The following RSPO2 variants were observed in gnomAD, a reference collection of about 807,000 sequenced individuals.
RSPO2 encodes the protein R-spondin-2.
RSPO2 carries 14 observed loss-of-function variants against 30.9 expected under a neutral mutation model. The ratio of observed to expected loss-of-function variants is 0.45; its 90% CI spans 0.30 to 0.71. RSPO2 has a LOEUF of 0.71. Among genes scored for constraint, RSPO2 ranks in the 30% least tolerant of loss-of-function variants. The pLI is 0.08. For synonymous variants in RSPO2, 107 were observed against 96.4 expected, an observed-to-expected ratio of 1.11 and a Z score of -0.64; for missense variants, 264 against 301.9, an observed-to-expected ratio of 0.87 and a Z score of 0.93.
At chr8:108,013,506 T>C (rs549571963) in intron 2 of RSPO2, among the ~76,000 whole-genome samples, 8 of 152,308 alleles carry the variant, frequency 5.3e-5, no homozygotes, top group Non-Finnish European at 7.3e-5. Flanking sequence ...AACAGATATA[T>C]AGGCCAAAGG....
intron 5 of RSPO2, 22 bp downstream of exon 5, chr8:107,958,058 T>C (rs1813483891): frequency 1.9e-6 from 3 of 1,573,852 alleles, no homozygotes; most frequent in Non-Finnish European, 1.7e-6. Context: ...CAGCACACAG[T>C]AGTGATTATA....
chr8:108,082,845 T>C, intron 1 of RSPO2, 38 bp from the exon 2 acceptor site: 1 of 533,708 alleles, frequency 1.9e-6, no homozygotes, highest in Non-Finnish European at 3.3e-6. Context: ...GTGTGGGGGA[T>C]GGAGAGAGCC....
At chr8:108,063,923 T>C (rs1812566568) in intron 2 of RSPO2, among the ~76,000 whole-genome samples, 1 of 152,124 alleles carries the variant, frequency 6.6e-6, no homozygotes, top group African/African-American at 2.4e-5. Context: ...AAACAAGCAA[T>C]GGGGAAAGGA....
At chr8:107,994,072 CAG>C (rs1563554769) in intron 2 of RSPO2, among the ~76,000 whole-genome samples, 2 of 152,008 alleles carry the variant, frequency 1.3e-5, no homozygotes, top group African/African-American at 4.8e-5. Flanking sequence ...GAAAATAAAA[CAG>C]AAAACCCCCA....
chr8:108,039,169 T>G (rs1317866297), intron 2 of RSPO2, among the ~76,000 whole-genome samples: 1 of 152,154 alleles, frequency 6.6e-6, no homozygotes, highest in African/African-American at 2.4e-5. Flanking sequence ...ATTTTACAGG[T>G]TCCTAGATCA....
chr8:107,965,682 G>C (rs1304444443), intron 3 of RSPO2, among the ~76,000 whole-genome samples: 3 of 151,852 alleles, frequency 2.0e-5, no homozygotes, highest in Non-Finnish European at 4.4e-5. Flanking sequence ...TCCTAACACA[G>C]TATTGGAAAC....
At chr8:108,068,595 CTG>C (rs1391353788) in intron 2 of RSPO2, among the ~76,000 whole-genome samples, 1 of 152,156 alleles carries the variant, frequency 6.6e-6, no homozygotes, top group Non-Finnish European at 1.5e-5. Context: ...TTCTCAGTGC[CTG>C]TGAATGTGGC....
At chr8:107,967,767 G>A (rs1813856615) in intron 3 of RSPO2, among the ~76,000 whole-genome samples, 1 of 152,102 alleles carries the variant, frequency 6.6e-6, no homozygotes, top group Non-Finnish European at 1.5e-5. Context: ...TAGAATAAGA[G>A]CAAGGGGCAG....
intron 5 of RSPO2, among the ~76,000 whole-genome samples, chr8:107,944,638 A>G (rs1427236916): frequency 1.3e-5 from 2 of 152,210 alleles, no homozygotes; most frequent in Non-Finnish European, 2.9e-5. Flanking sequence ...CAAAGAAGCC[A>G]TATGGGAGAA....
At chr8:108,048,361 T>C (rs1163625322) in intron 2 of RSPO2, among the ~76,000 whole-genome samples, 2 of 151,580 alleles carry the variant, frequency 1.3e-5, no homozygotes, top group Non-Finnish European at 2.9e-5. Context: ...ACAATAGCAT[T>C]ATAGCTGCAA....
intron 5 of RSPO2, among the ~76,000 whole-genome samples, chr8:107,932,836 G>C (rs976202698): frequency 3.3e-5 from 5 of 152,108 alleles, no homozygotes; most frequent in African/African-American, 1.2e-4. Flanking sequence ...CGATCATTAA[G>C]CTGGCCTGAG....
At chr8:107,928,597 A>G (rs910905823) in intron 5 of RSPO2, among the ~76,000 whole-genome samples, 11 of 152,182 alleles carry the variant, frequency 7.2e-5, no homozygotes, top group African/African-American at 2.2e-4. Flanking sequence ...CCTAAAGTGG[A>G]TGCTTTCCAA....
At chr8:108,077,329 A>G (rs906392635) in intron 2 of RSPO2, among the ~76,000 whole-genome samples, 6 of 152,142 alleles carry the variant, frequency 3.9e-5, no homozygotes, top group African/African-American at 1.4e-4. Context: ...GTGAAGAAGG[A>G]GGGAATCAGC....
At chr8:107,951,721 A>G (rs951862373) in intron 5 of RSPO2, among the ~76,000 whole-genome samples, 3 of 152,134 alleles carry the variant, frequency 2.0e-5, no homozygotes, top group Non-Finnish European at 4.4e-5. Flanking sequence ...TTCCTCCACT[A>G]GAGTTCACTC....
At chr8:107,957,694 C>CTA (rs1353936851) in intron 5 of RSPO2, among the ~76,000 whole-genome samples, 2 of 152,164 alleles carry the variant, frequency 1.3e-5, no homozygotes, top group African/African-American at 2.4e-5. Flanking sequence ...ATAAACCTTT[C>CTA]TAATCTAAAC....
At chr8:108,076,264 G>A (rs1443342431) in intron 2 of RSPO2, among the ~76,000 whole-genome samples, 1 of 152,176 alleles carries the variant, frequency 6.6e-6, no homozygotes, top group African/African-American at 2.4e-5. Context: ...CAGATGGTGG[G>A]GAACGCTGAC....
chr8:107,995,347 T>C (rs894678305), intron 2 of RSPO2, among the ~76,000 whole-genome samples: 3 of 152,176 alleles, frequency 2.0e-5, no homozygotes, highest in African/African-American at 4.8e-5. Context: ...AATAAAATTC[T>C]GGGTAAGCGA....
chr8:107,935,603 C>T (rs1011360249), intron 5 of RSPO2, among the ~76,000 whole-genome samples: 2 of 152,064 alleles, frequency 1.3e-5, no homozygotes, highest in African/African-American at 4.8e-5. Context: ...CAAAATCATG[C>T]TCTACTGGAT....
At chr8:108,023,678 A>C (rs1226238247) in intron 2 of RSPO2, among the ~76,000 whole-genome samples, 1 of 152,216 alleles carries the variant, frequency 6.6e-6, no homozygotes, top group Admixed American at 6.5e-5. Context: ...GGCTCTACTC[A>C]TAAATAGGAC....
Sources: allele counts gnomAD v4.1 joint callset (sites outside exome capture counted in the v4.1 genomes callset), GRCh38; gene constraint gnomAD v4.1.1; transcripts MANE v1.5; gene names NCBI Gene and HGNC (gene_info 2026-07-23, HGNC 2026-07-21).